Variants in ZNF804A observed in about 807,000 individuals in gnomAD.
ZNF804A encodes the protein zinc finger protein 804A.
Under a neutral mutation model 16.5 loss-of-function variants are expected in ZNF804A, and 2 were observed. The observed-to-expected ratio is 0.12, with a 90% confidence interval of 0.05 to 0.38. The LOEUF (loss-of-function observed/expected upper bound fraction) is 0.38. ZNF804A is among the 10% of genes least tolerant of loss of function. The pLI is 0.99. For synonymous variants in ZNF804A, 534 were observed against 489.6 expected (o/e 1.09, Z -1.20); for missense variants, 1,473 against 1,390.7 (o/e 1.06, Z -0.94).
chr2:184,636,680 G>T (rs889817415), intron 1 of ZNF804A, among the ~76,000 whole-genome samples: 15 of 151,146 alleles, frequency 9.9e-5, no homozygotes, highest in African/African-American at 3.6e-4. Flanking sequence ...ATTTGTCCTA[G>T]ATCCTTTTTT....
At position 184,642,547 on chromosome 2, in the gene ZNF804A, G is replaced by T. The variant is rs187702887; in HGVS notation, c.111+43477G>T. ...ATTAGTCGGGATATAAGAGGAAAAAGAACTATAGAAGTAAGATAGTATACT... is the reference window on the plus strand; with the variant it reads ...ATTAGTCGGGATATAAGAGGAAAAATAACTATAGAAGTAAGATAGTATACT... On this transcript the variant is annotated intron_variant, in intron 1 of 3. Coordinates refer to ENST00000302277, the MANE Select transcript of ZNF804A (RefSeq NM_194250.2). Among the ~76,000 whole-genome samples the T allele has an allele frequency of 2.0e-5, 3 of 152,222 alleles. No individual in the cohort carries two copies. The East Asian group carries it at 5.8e-4, about 29-fold the overall frequency.
At chr2:184,912,745 A>G (rs1386037494) in intron 2 of ZNF804A, among the ~76,000 whole-genome samples, 4 of 152,076 alleles carry the variant, frequency 2.6e-5, no homozygotes, top group Admixed American at 2.6e-4. Context: ...ACCATTTGTA[A>G]ATTTTCTGTG....
At chr2:184,836,775 A>G (rs1460661803) in intron 1 of ZNF804A, among the ~76,000 whole-genome samples, 1 of 151,314 alleles carries the variant, frequency 6.6e-6, no homozygotes, top group East Asian at 2.0e-4. Context: ...CCTATTCTTA[A>G]TCTCTCTTTA....
intron 2 of ZNF804A, among the ~76,000 whole-genome samples, chr2:184,910,516 G>A (rs1685338643): frequency 6.6e-6 from 1 of 152,028 alleles, no homozygotes; most frequent in African/African-American, 2.4e-5. Flanking sequence ...GAGTCAAATG[G>A]TAATTGTGCT....
chr2:184,741,631 G>A (rs577992207), intron 1 of ZNF804A, among the ~76,000 whole-genome samples: 75 of 152,208 alleles, frequency 4.9e-4, no homozygotes, highest in African/African-American at 1.7e-3. Flanking sequence ...GAGAGCAAAG[G>A]ACACATCACT....
chr2:184,874,456 C>T (rs914311143), intron 2 of ZNF804A, among the ~76,000 whole-genome samples: 7 of 152,018 alleles, frequency 4.6e-5, no homozygotes, highest in African/African-American at 1.7e-4. Flanking sequence ...CTGCAACTGC[C>T]CTATTACAGA....
At chr2:184,647,417 A>T (rs911956147) in intron 1 of ZNF804A, among the ~76,000 whole-genome samples, 3 of 152,188 alleles carry the variant, frequency 2.0e-5, no homozygotes, top group African/African-American at 7.2e-5. Context: ...CTTATAAATG[A>T]TGGATAAAGA....
chr2:184,936,198 C>T lies in ZNF804A; in HGVS notation c.802C>T (p.Leu268Phe). ...TCAACAATCTTCACCAACAGATGTG[C>T]TTTTGAGTTCTGAGGAGAAAACTAA... Reference protein sequence around the residue: ...HLQQSSPTDVLLSSEEKTNSF... With the variant: ...HLQQSSPTDVFLSSEEKTNSF... The change falls in exon 4 of 4, where the codon CTT becomes TTT. Residue 268 changes from leucine (L) to phenylalanine (F), a missense_variant. Leu to Phe is a conservative substitution (Grantham distance 22, BLOSUM62 0). Transcript: ENST00000302277. 6.2e-7 allele frequency: 1 copy of T among 1,614,018 alleles called. No homozygotes were observed. Among genetic ancestry groups the T allele is most frequent in the Middle Eastern group, 1.7e-4 (1 of 6,060 alleles).
intron 1 of ZNF804A, among the ~76,000 whole-genome samples, chr2:184,823,315 AAG>A (rs1473043733): frequency 1.3e-5 from 2 of 152,112 alleles, no homozygotes; most frequent in African/African-American, 4.8e-5. Flanking sequence ...AACACCTCCT[AAG>A]AACTCCAGTT....
chr2:184,921,078 G>C (rs936111582), intron 2 of ZNF804A, among the ~76,000 whole-genome samples: 1 of 152,116 alleles, frequency 6.6e-6, no homozygotes, highest in Admixed American at 6.6e-5. Flanking sequence ...TATTGGCCTG[G>C]TTGGTGGGAC....
rs141523182 is a variant in ZNF804A at position 184,778,228 on chromosome 2, G to A, written c.112-88141G>A. On this transcript the variant is annotated intron_variant, in intron 1 of 3. Transcript: ENST00000302277. ...TTTTATAATGATTTCATTCTGTCAC[G>A]TTATATAATATTCTCATTTAATAAA... 9.9e-5 allele frequency among the ~76,000 whole-genome samples: 15 copies of A among 151,568 alleles called. No individual in the cohort carries two copies. In the East Asian group the frequency reaches 2.3e-3, roughly 24 times the overall value.
chr2:184,790,410 C>T (rs1694519696), intron 1 of ZNF804A, among the ~76,000 whole-genome samples: 1 of 151,760 alleles, frequency 6.6e-6, no homozygotes. Flanking sequence ...GATTTTCTGC[C>T]TCAATGTCTC....
chr2:184,632,380 T>G (rs986319604), intron 1 of ZNF804A, among the ~76,000 whole-genome samples: 1 of 152,190 alleles, frequency 6.6e-6, no homozygotes, highest in Non-Finnish European at 1.5e-5. Context: ...CTTTTATTTA[T>G]TTTACTAAGT....
At chr2:184,681,783 C>T (rs1457779810) in intron 1 of ZNF804A, among the ~76,000 whole-genome samples, 1 of 152,156 alleles carries the variant, frequency 6.6e-6, no homozygotes, top group Admixed American at 6.5e-5. Flanking sequence ...GGGCAGGAGC[C>T]CCATGCTTCC....
At chr2:184,680,586 T>C (rs1235412523) in intron 1 of ZNF804A, among the ~76,000 whole-genome samples, 4 of 152,220 alleles carry the variant, frequency 2.6e-5, no homozygotes, top group African/African-American at 7.2e-5. Context: ...AGAATGATGT[T>C]CCTGTGGAAA....
chr2:184,629,554 A>C (rs1311589171), intron 1 of ZNF804A, among the ~76,000 whole-genome samples: 1 of 152,214 alleles, frequency 6.6e-6, no homozygotes, highest in Non-Finnish European at 1.5e-5. Context: ...AATAGAAAAT[A>C]GTTAATACAA....
chr2:184,742,389 A>T (rs1401773610), intron 1 of ZNF804A, among the ~76,000 whole-genome samples: 1 of 152,050 alleles, frequency 6.6e-6, no homozygotes, highest in Non-Finnish European at 1.5e-5. Flanking sequence ...TATTCAGACG[A>T]AAGTACCTGA....
At chr2:184,744,116 C>A (rs1693749591) in intron 1 of ZNF804A, among the ~76,000 whole-genome samples, 3 of 151,838 alleles carry the variant, frequency 2.0e-5, no homozygotes, top group African/African-American at 7.2e-5. Flanking sequence ...TCTATTTCAG[C>A]TCTACCATCT....
chr2:184,883,383 A>G (rs1396970336), intron 2 of ZNF804A, among the ~76,000 whole-genome samples: 1 of 152,064 alleles, frequency 6.6e-6, no homozygotes. Flanking sequence ...TGAAATTATT[A>G]CAAAAGAATG....
Sources: allele counts gnomAD v4.1 joint callset (sites outside exome capture counted in the v4.1 genomes callset), GRCh38; gene constraint gnomAD v4.1.1; transcripts MANE v1.5; gene names NCBI Gene and HGNC (gene_info 2026-07-23, HGNC 2026-07-21).